FMN1: variants seen among roughly 807,000 people sequenced by gnomAD.
The protein encoded by FMN1 is formin-1.
In FMN1, 110 loss-of-function variants were observed where a neutral mutation model predicts 132.4. The observed-to-expected ratio is 0.83, with a 90% CI of 0.71 to 0.97. The LOEUF is 0.97. Ranked by LOEUF, FMN1 falls within the 50% of genes least tolerant of loss-of-function variation. FMN1 has a pLI of 0.00. For missense variants in FMN1, 1,792 were observed against 1,705.3 expected, an observed-to-expected ratio of 1.05 and a Z score of -0.90; for synonymous variants, 722 against 651.7, an observed-to-expected ratio of 1.11 and a Z score of -1.64.
At chr15:33,108,662 T>C (rs201205673) in intron 4 of FMN1, among the ~76,000 whole-genome samples, 1 of 152,110 alleles carries the variant, frequency 6.6e-6, no homozygotes, top group Non-Finnish European at 1.5e-5. Context: ...AAAGGTCAAC[T>C]GATAGCCCTT....
intron 6 of FMN1, among the ~76,000 whole-genome samples, chr15:33,009,486 T>TG (rs1698158774): frequency 6.6e-6 from 1 of 152,172 alleles, no homozygotes; most frequent in South Asian, 2.1e-4. Context: ...TCCTTCCCCT[T>TG]GTTCATCATA....
At chr15:33,072,355 G>C (rs113357342) in intron 5 of FMN1, among the ~76,000 whole-genome samples, 26 of 152,246 alleles carry the variant, frequency 1.7e-4, no homozygotes, top group Admixed American at 1.2e-3. Context: ...TGGGACTTGG[G>C]TATGAGAGGA....
At chr15:32,997,679 A>C (rs544476121) in intron 7 of FMN1, among the ~76,000 whole-genome samples, 10 of 152,242 alleles carry the variant, frequency 6.6e-5, no homozygotes, top group Non-Finnish European at 1.3e-4. Flanking sequence ...CTCAGCATTT[A>C]ATCTCTCATG....
intron 6 of FMN1, among the ~76,000 whole-genome samples, chr15:33,030,278 G>A (rs1188616634): frequency 6.6e-6 from 1 of 152,226 alleles, no homozygotes; most frequent in Non-Finnish European, 1.5e-5. Flanking sequence ...AGGAGAGGCC[G>A]GAATTTGGAA....
At chr15:32,958,477 A>G (rs777806051) in intron 9 of FMN1, among the ~76,000 whole-genome samples, 3 of 152,278 alleles carry the variant, frequency 2.0e-5, no homozygotes, top group East Asian at 1.9e-4. Flanking sequence ...AAATAAGATG[A>G]TGGGTAAGAT....
At chr15:32,943,591 T>C (rs1346161388) in intron 9 of FMN1, among the ~76,000 whole-genome samples, 1 of 152,174 alleles carries the variant, frequency 6.6e-6, no homozygotes, top group African/African-American at 2.4e-5. Context: ...GTGGAGTGGG[T>C]TGGAAGACAC....
chr15:33,064,295 A>G (rs1162983389), intron 6 of FMN1: 1 of 152,216 alleles, frequency 6.6e-6, no homozygotes, highest in African/African-American at 2.4e-5. Flanking sequence ...ACACACATGC[A>G]ATTCTTAATA....
chr15:32,821,449 CTTTTTTT>C (rs34336647), intron 17 of FMN1, among the ~76,000 whole-genome samples: 2 of 110,828 alleles, frequency 1.8e-5, no homozygotes, highest in Non-Finnish European at 3.4e-5. Context: ...ATATTTAAAT[CTTTTTTT>C]TTTTTTTTTT....
chr15:33,118,271 G>A (rs1273584857), intron 4 of FMN1, among the ~76,000 whole-genome samples: 1 of 152,100 alleles, frequency 6.6e-6, no homozygotes, highest in Admixed American at 6.6e-5. Context: ...TTTCTCATTT[G>A]TTATATTAAT....
chr15:33,010,122 G>T (rs1313868297), intron 6 of FMN1, among the ~76,000 whole-genome samples: 9 of 152,152 alleles, frequency 5.9e-5, no homozygotes, highest in Non-Finnish European at 7.4e-5. Flanking sequence ...GACCTCAGGT[G>T]ATTCACCCCC....
chr15:33,184,465 T>G (rs1416059105), intron 2 of FMN1, among the ~76,000 whole-genome samples: 1 of 152,022 alleles, frequency 6.6e-6, no homozygotes, highest in Admixed American at 6.6e-5. Context: ...CATCCATAAG[T>G]AAATTTCTTC....
At chr15:33,022,747 T>A (rs1448411896) in intron 6 of FMN1, among the ~76,000 whole-genome samples, 1 of 142,384 alleles carries the variant, frequency 7.0e-6, no homozygotes, top group East Asian at 2.0e-4. Context: ...GGAGTCAAGT[T>A]ACTGCAGAGT....
At chr15:33,185,105 T>C (rs534330242) in intron 2 of FMN1, among the ~76,000 whole-genome samples, 3 of 152,340 alleles carry the variant, frequency 2.0e-5, no homozygotes, top group African/African-American at 4.8e-5. Flanking sequence ...AGCATGATTA[T>C]TGAAGGTTAG....
chr15:32,868,354 G>A (rs1164143134), intron 16 of FMN1, among the ~76,000 whole-genome samples: 1 of 152,198 alleles, frequency 6.6e-6, no homozygotes, highest in East Asian at 1.9e-4. Flanking sequence ...ACTATATTCA[G>A]TATTCTACTG....
At chr15:33,005,309 G>A (rs1025978315) in intron 7 of FMN1, among the ~76,000 whole-genome samples, 6 of 152,004 alleles carry the variant, frequency 3.9e-5, no homozygotes, top group African/African-American at 1.5e-4. Context: ...TAAATGTGGG[G>A]CAACAACAGT....
chr15:33,049,069 G>A (rs1247617962), intron 6 of FMN1, among the ~76,000 whole-genome samples: 1 of 152,200 alleles, frequency 6.6e-6, no homozygotes, highest in Non-Finnish European at 1.5e-5. Context: ...AACAAGTTGT[G>A]GAAGGTTTGT....
At chr15:32,994,013 C>G (rs1228253089) in intron 7 of FMN1, among the ~76,000 whole-genome samples, 1 of 152,072 alleles carries the variant, frequency 6.6e-6, no homozygotes, top group East Asian at 1.9e-4. Flanking sequence ...AATTGGGAAA[C>G]CTTAAAAAGA....
chr15:33,091,877 G>A (rs1382735216), intron 4 of FMN1, among the ~76,000 whole-genome samples: 4 of 152,088 alleles, frequency 2.6e-5, no homozygotes, highest in Admixed American at 1.3e-4. Flanking sequence ...TTAATTTTCC[G>A]ACACAAATAG....
chr15:32,962,978 C>T (rs1596353219), intron 9 of FMN1, among the ~76,000 whole-genome samples: 1 of 138,468 alleles, frequency 7.2e-6, no homozygotes. Flanking sequence ...TTTGACCCAG[C>T]CATCCCATTA....
Sources: allele counts gnomAD v4.1 joint callset (sites outside exome capture counted in the v4.1 genomes callset), GRCh38; gene constraint gnomAD v4.1.1; transcripts MANE v1.5; gene names NCBI Gene and HGNC (gene_info 2026-07-23, HGNC 2026-07-21).